Variants in BMPR1A observed in about 807,000 individuals in gnomAD.
The protein encoded by BMPR1A is bone morphogenetic protein receptor type 1A, also known as bone morphogenetic protein receptor type-1A.
BMPR1A carries 7 observed loss-of-function variants against 66.0 expected under a neutral mutation model. The ratio of observed to expected loss-of-function variants is 0.11; its 90% CI spans 0.06 to 0.20. The LOEUF is 0.20. BMPR1A is among the 10% of genes least tolerant of loss of function. The pLI is 1.00. For missense variants in BMPR1A, 408 were observed against 669.1 expected (o/e 0.61, Z 4.31); for synonymous variants, 200 against 229.7 (o/e 0.87, Z 1.17).
chr10:86,762,488 A>G (rs1202918145), intron 1 of BMPR1A, among the ~76,000 whole-genome samples: 2 of 151,928 alleles, frequency 1.3e-5, no homozygotes, highest in Non-Finnish European at 2.9e-5. Flanking sequence ...CTTCCCGAGT[A>G]GCTGGGTTTA....
chr10:86,791,233 G>A (rs1370361095), intron 1 of BMPR1A, among the ~76,000 whole-genome samples: 4 of 145,206 alleles, frequency 2.8e-5, no homozygotes, highest in Non-Finnish European at 6.0e-5. Flanking sequence ...TTTTTTTTGA[G>A]ACAAAGTCTC....
chr10:86,922,146 CAT>C (rs202203212), intron 11 of BMPR1A, among the ~76,000 whole-genome samples: 1,679 of 152,260 alleles, frequency 0.011, 28 homozygotes, highest in African/African-American at 0.038. Context: ...TAAGTGAGAA[CAT>C]GTGAAGTTTG....
chr10:86,790,191 A>T (rs1294659477), intron 1 of BMPR1A, among the ~76,000 whole-genome samples: 1 of 9,312 alleles, frequency 1.1e-4, no homozygotes. Context: ...AAAAAAAAAT[A>T]TATATATATA....
intron 1 of BMPR1A, among the ~76,000 whole-genome samples, chr10:86,761,157 G>A (rs1423010647): frequency 6.6e-6 from 1 of 152,218 alleles, no homozygotes; most frequent in Non-Finnish European, 1.5e-5. Flanking sequence ...CTCCATCTCA[G>A]GGTGGCCCCT....
intron 1 of BMPR1A, among the ~76,000 whole-genome samples, chr10:86,816,355 G>C (rs924601757): frequency 2.6e-5 from 4 of 152,060 alleles, no homozygotes; most frequent in African/African-American, 9.7e-5. Flanking sequence ...TCATGAAGCT[G>C]CTTAGAAAAT....
In BMPR1A at chr10:86,813,177, C is replaced by T. The variant is rs191544224; in HGVS notation, c.-267-25688C>T. ...GGGGTTCAGTCCATTGTAATTCTTA[C>T]ACCTGTTAAAGCTCAAATTGTTCGT... is the stretch of plus-strand genomic sequence containing the variant. On this transcript the variant is annotated intron_variant, in intron 1 of 12. Transcript: ENST00000372037. Among the ~76,000 whole-genome samples, 548 of 152,264 alleles carry T rather than the reference C, an allele frequency of 3.6e-3. 2 individuals are homozygous for T. The highest frequency in any genetic ancestry group is 5.4e-3 in the Non-Finnish European group (370 of 68,028).
At chr10:86,793,094 A>ACCC (rs142292233) in intron 1 of BMPR1A, among the ~76,000 whole-genome samples, 4,072 of 105,626 alleles carry the variant, frequency 0.039, 71 homozygotes, top group Non-Finnish European at 0.051. Flanking sequence ...CCTGATCTAT[A>ACCC]CCCCCCCCCA....
rs1843705382 is a variant in BMPR1A, at chr10:86,923,798, A to C, written c.*79A>C. On this transcript the variant is annotated 3_prime_UTR_variant, in exon 13 of 13. Transcript: ENST00000372037. Reference sequence around the variant, plus strand: ...GGCATGGGTGGAATTAGAGTGGAATAAGGATGTTAACTTGGTTCTCAGACT... The same window carrying C: ...GGCATGGGTGGAATTAGAGTGGAATCAGGATGTTAACTTGGTTCTCAGACT... 39 of 1,561,710 alleles carry C rather than the reference A, an allele frequency of 2.5e-5. No homozygotes were observed. The highest frequency in any genetic ancestry group is 1.2e-4 in the Admixed American group (7 of 59,720).
At chr10:86,758,466 C>T (rs1271326811) in intron 1 of BMPR1A, among the ~76,000 whole-genome samples, 2 of 147,982 alleles carry the variant, frequency 1.4e-5, no homozygotes, top group African/African-American at 5.0e-5. Flanking sequence ...GTTATTTTCT[C>T]TGTCGTATTT....
intron 1 of BMPR1A, among the ~76,000 whole-genome samples, chr10:86,764,409 G>A (rs562072945): frequency 2.0e-5 from 3 of 152,162 alleles, no homozygotes; most frequent in South Asian, 2.1e-4. Context: ...AAATATAATC[G>A]CTGGGTGACA....
intron 2 of BMPR1A, among the ~76,000 whole-genome samples, chr10:86,841,928 G>C (rs2133128073): frequency 6.6e-6 from 1 of 152,314 alleles, no homozygotes; most frequent in African/African-American, 2.4e-5. Flanking sequence ...AACATGTGCA[G>C]GCTCTGGTGC....
At chr10:86,872,866 T>C (rs1842869449) in intron 2 of BMPR1A, among the ~76,000 whole-genome samples, 1 of 152,172 alleles carries the variant, frequency 6.6e-6, no homozygotes, top group South Asian at 2.1e-4. Flanking sequence ...GTGATCCTGT[T>C]TGAGCCCAGG....
At chr10:86,855,123 G>C (rs973021475) in intron 2 of BMPR1A, 6 of 314,660 alleles carry the variant, frequency 1.9e-5, no homozygotes. Flanking sequence ...AGTAGAGACA[G>C]GGTTTCACAT....
At chr10:86,893,419 AC>A (rs1267220710) in intron 5 of BMPR1A, among the ~76,000 whole-genome samples, 4 of 152,208 alleles carry the variant, frequency 2.6e-5, no homozygotes, top group Non-Finnish European at 5.9e-5. Context: ...GTTTCTGAAA[AC>A]CAGCTCCAGA....
intron 1 of BMPR1A, among the ~76,000 whole-genome samples, chr10:86,836,386 G>A (rs1163269315): frequency 6.6e-6 from 1 of 152,120 alleles, no homozygotes. Context: ...TGTGTCTTTT[G>A]TTTACCTCTG....
intron 2 of BMPR1A, among the ~76,000 whole-genome samples, chr10:86,848,896 C>A (rs1335187010): frequency 6.6e-6 from 1 of 152,182 alleles, no homozygotes; most frequent in Non-Finnish European, 1.5e-5. Flanking sequence ...ATCAGCCCCC[C>A]CTCTATAATA....
chr10:86,882,652 C>G (rs1406641086), intron 3 of BMPR1A, among the ~76,000 whole-genome samples: 2 of 145,322 alleles, frequency 1.4e-5, no homozygotes, highest in Non-Finnish European at 1.5e-5. Flanking sequence ...ATTTTAAAAA[C>G]TACTTTTAGG....
intron 1 of BMPR1A, among the ~76,000 whole-genome samples, chr10:86,790,191 ATATATATATATATATATATAT>A (rs1564685539): frequency 0.017 from 156 of 9,324 alleles, 26 homozygotes; most frequent in Non-Finnish European, 0.02. Flanking sequence ...AAAAAAAAAT[ATATATATATATATATATATAT>A]ATATATATAT....
intron 1 of BMPR1A, among the ~76,000 whole-genome samples, chr10:86,838,568 C>CTT (rs879405131): frequency 2.4e-4 from 30 of 125,076 alleles, no homozygotes; most frequent in East Asian, 1.8e-3. Context: ...TATTCCTGTT[C>CTT]TTTTTTTTTT....
Sources: allele counts gnomAD v4.1 joint callset (sites outside exome capture counted in the v4.1 genomes callset), GRCh38; gene constraint gnomAD v4.1.1; transcripts MANE v1.5; gene names NCBI Gene and HGNC (gene_info 2026-07-23, HGNC 2026-07-21).